RUFY1: variants seen among roughly 807,000 people sequenced by gnomAD.
RUFY1 encodes RUN and FYVE domain-containing protein 1.
RUFY1 carries 54 observed loss-of-function variants against 94.6 expected under a neutral mutation model. The observed-to-expected ratio is 0.57, with a 90% CI of 0.46 to 0.72. The LOEUF (loss-of-function observed/expected upper bound fraction) is 0.72. RUFY1 is among the 30% of genes least tolerant of loss of function. The pLI is 0.00. For synonymous variants in RUFY1, 396 were observed against 347.3 expected (o/e 1.14, Z -1.56); for missense variants, 883 against 883.9 (o/e 1.00, Z 0.01).
intron 5 of RUFY1, 135 bp downstream of exon 5, chr5:179,569,560 C>T: frequency 1.2e-6 from 1 of 861,656 alleles, no homozygotes; most frequent in Non-Finnish European, 1.9e-6. Context: ...AGGGATGCAG[C>T]TGGGGAAGGT....
In RUFY1 at chr5:179,609,390, C is replaced by T. The variant is rs1254910081; in HGVS notation, c.1998C>T (p.Asn666=). 2 of 1,613,552 alleles carry T rather than the reference C, an allele frequency of 1.2e-6. No individual in the cohort carries two copies. The highest frequency in any genetic ancestry group is 2.2e-5 in the East Asian group (1 of 44,878). Reference sequence around the variant, plus strand: ...CCGTCCTGTAGCACCACTGCCGGAACTGTGGCCACATCTTCTGCAACACCT... The same window carrying T: ...CCGTCCTGTAGCACCACTGCCGGAATTGTGGCCACATCTTCTGCAACACCT... The part of the protein sequence containing the change: ...SISRRKHHCR[N]CGHIFCNTCS... Residue 666 remains asparagine, a synonymous_variant, in exon 18 of 18, where the codon AAC becomes AAT. Coordinates refer to ENST00000319449, the MANE Select transcript of RUFY1 (RefSeq NM_025158.5).
At chr5:179,566,266 CTTCTT>C (rs910447887) in intron 3 of RUFY1, among the ~76,000 whole-genome samples, 1 of 150,906 alleles carries the variant, frequency 6.6e-6, no homozygotes, top group African/African-American at 2.4e-5. Flanking sequence ...TTTCTTTTCT[CTTCTT>C]TTCTTTCTTT....
chr5:179,561,217 A>AATTAATT (rs1561965751), intron 2 of RUFY1, among the ~76,000 whole-genome samples: 3 of 107,294 alleles, frequency 2.8e-5, no homozygotes, highest in Admixed American at 8.7e-5. Flanking sequence ...TCTCAAAAAT[A>AATTAATT]AATAAATAAA....
At chr5:179,597,967 G>A (rs1340878913) in intron 13 of RUFY1, among the ~76,000 whole-genome samples, 1 of 152,162 alleles carries the variant, frequency 6.6e-6, no homozygotes, top group Non-Finnish European at 1.5e-5. Context: ...GAGGCAGGGA[G>A]ATCACGAGGT....
chr5:179,577,700 T>A (rs1471182376), intron 6 of RUFY1, among the ~76,000 whole-genome samples: 1 of 149,896 alleles, frequency 6.7e-6, no homozygotes, highest in Non-Finnish European at 1.5e-5. Flanking sequence ...ACTGTGTGAT[T>A]GGGCCCGGTG....
intron 1 of RUFY1, among the ~76,000 whole-genome samples, chr5:179,556,583 C>T (rs1333520352): frequency 1.3e-5 from 2 of 152,028 alleles, no homozygotes; most frequent in East Asian, 3.8e-4. Context: ...TCACTGCAAC[C>T]TCCGCCTCCC....
At chr5:179,559,871 T>A (rs1487690451) in intron 1 of RUFY1, 154 bp from the exon 2 acceptor site, 45 of 1,425,784 alleles carry the variant, frequency 3.2e-5, no homozygotes, top group Non-Finnish European at 4.1e-5. Flanking sequence ...CAGGGACTAC[T>A]TACCTGCGAA....
At chr5:179,567,591 T>A (rs761136793) in intron 4 of RUFY1, 29 bp downstream of exon 4, 106 of 1,512,122 alleles carry the variant, frequency 7.0e-5, no homozygotes, top group Admixed American at 3.3e-5. Flanking sequence ...TTGCTTATCT[T>A]TTGCTTGGTA....
At chr5:179,550,950 G>T in intron 1 of RUFY1, 71 bp downstream of exon 1, 7 of 1,012,946 alleles carry the variant, frequency 6.9e-6, no homozygotes, top group Non-Finnish European at 8.3e-6. Flanking sequence ...GGGCGCGGTG[G>T]GGGCCGGGCT....
At chr5:179,592,126 GT>G (rs374079285) in intron 10 of RUFY1, among the ~76,000 whole-genome samples, 6 of 147,598 alleles carry the variant, frequency 4.1e-5, no homozygotes, top group African/African-American at 2.5e-5. Context: ...TTGGTTTTTG[GT>G]TTTTTTTTTG....
At chr5:179,580,049 C>G (rs1763995114) in intron 6 of RUFY1, among the ~76,000 whole-genome samples, 1 of 151,918 alleles carries the variant, frequency 6.6e-6, no homozygotes, top group Non-Finnish European at 1.5e-5. Context: ...AATTATGGAA[C>G]ATATGTAATA....
At position 179,559,933 on chromosome 5, in the gene RUFY1, C is replaced by T. The variant is rs1012106690; in HGVS notation, c.311-92C>T. On this transcript the variant is annotated intron_variant, in intron 1 of 17. Coordinates refer to ENST00000319449, the MANE Select transcript of RUFY1 (RefSeq NM_025158.5). ...CCGTTCCCTAAGCAGACCGCCTGGCCTCCTGCCTGACCCGTCTTCTCACCG... is the reference window on the plus strand; with the variant it reads ...CCGTTCCCTAAGCAGACCGCCTGGCTTCCTGCCTGACCCGTCTTCTCACCG... 4.0e-6 allele frequency: 6 copies of T among 1,501,464 alleles called. No individual in the cohort carries two copies. In the South Asian group the frequency reaches 5.3e-5, roughly 13 times the overall value. 93.0% of individuals were successfully genotyped at this position (1,501,464 alleles called of 1,614,324 possible).
intron 16 of RUFY1, 117 bp downstream of exon 16, chr5:179,606,041 G>A: frequency 1.4e-6 from 1 of 721,880 alleles, no homozygotes; most frequent in Non-Finnish European, 2.4e-6. Context: ...CAGTGGTGAT[G>A]ACGTATTGAC....
At chr5:179,585,442 A>T (rs963528113) in intron 7 of RUFY1, among the ~76,000 whole-genome samples, 1 of 152,038 alleles carries the variant, frequency 6.6e-6, no homozygotes, top group Non-Finnish European at 1.5e-5. Context: ...AGCCAGGTGC[A>T]GTGGCACGCA....
chr5:179,574,659 C>A (rs982882342), intron 5 of RUFY1, among the ~76,000 whole-genome samples: 6 of 151,864 alleles, frequency 4.0e-5, no homozygotes, highest in Non-Finnish European at 8.8e-5. Flanking sequence ...CCATTTCATT[C>A]AGCTCTACTA....
At chr5:179,609,122 G>A (rs1162808810) in intron 17 of RUFY1, among the ~76,000 whole-genome samples, 1 of 150,300 alleles carries the variant, frequency 6.7e-6, no homozygotes, top group African/African-American at 2.5e-5. Flanking sequence ...CCGGAGAATG[G>A]CGTGAACCTG....
chr5:179,601,401 T>C (rs1766372144), intron 14 of RUFY1, among the ~76,000 whole-genome samples: 1 of 152,024 alleles, frequency 6.6e-6, no homozygotes, highest in Non-Finnish European at 1.5e-5. Context: ...ACTCCTGACC[T>C]CAGGTGATCC....
rs201050880 is a variant in RUFY1, at chr5:179,596,631, C to T, written c.1581C>T (p.Gly527=). Residue 527 remains glycine, a synonymous_variant, in exon 13 of 18, where the codon GGC becomes GGT. Coordinates refer to ENST00000319449, the MANE Select transcript of RUFY1 (RefSeq NM_025158.5). The part of the protein sequence containing the change: ...ERSHKLQQEL[G]GRIGALQLQL... ...GCCACAAGCTGCAGCAGGAGCTGGG[C>T]GGGAGGATCGGCGCCCTGCAGCTGC... 18 of 1,611,922 alleles carry T rather than the reference C, an allele frequency of 1.1e-5. No homozygotes were observed. Among genetic ancestry groups the T allele is most frequent in the Admixed American group, 5.0e-5 (3 of 59,696 alleles).
chr5:179,567,839 G>T (rs1042924219), intron 4 of RUFY1, among the ~76,000 whole-genome samples: 4 of 152,020 alleles, frequency 2.6e-5, no homozygotes, highest in Non-Finnish European at 4.4e-5. Context: ...GCGAGGCGGA[G>T]GTTGCAGTGA....
Sources: gnomAD v4.1 joint callset for allele counts (sites outside exome capture counted in the v4.1 genomes callset) on GRCh38, gnomAD v4.1.1 for gene constraint, MANE v1.5 for transcripts, NCBI Gene and HGNC (gene_info 2026-07-23, HGNC 2026-07-21) for gene names.